Variants in RIPOR3 observed in about 807,000 individuals in gnomAD.
RIPOR3 encodes family with sequence similarity 65 member C.
Under a neutral mutation model 114.3 loss-of-function variants are expected in RIPOR3, and 95 were observed. That is an observed-to-expected ratio of 0.83 (90% CI 0.70 to 0.99). The LOEUF is 0.99. RIPOR3 is among the 50% of genes least tolerant of loss of function. The probability of loss-of-function intolerance (pLI) is 0.00; values close to 1 mark genes in which losing one functional copy is unlikely to be tolerated. For synonymous variants in RIPOR3, 575 were observed against 543.8 expected, an observed-to-expected ratio of 1.06 and a Z score of -0.80; for missense variants, 1,252 against 1,266.9, an observed-to-expected ratio of 0.99 and a Z score of 0.18.
intron 1 of RIPOR3, among the ~76,000 whole-genome samples, chr20:50,675,385 G>A (rs1201396505): frequency 6.6e-6 from 1 of 152,168 alleles, no homozygotes; most frequent in Non-Finnish European, 1.5e-5. Flanking sequence ...CATCATATGT[G>A]TGAATTCACC....
chr20:50,628,319 C>G (rs940923856), intron 2 of RIPOR3, among the ~76,000 whole-genome samples: 1 of 152,112 alleles, frequency 6.6e-6, no homozygotes, highest in Non-Finnish European at 1.5e-5. Context: ...TTCCCAGGCT[C>G]CCCTCCACTG....
chr20:50,687,016 TTTCC>T (rs1161428418), intron 1 of RIPOR3, among the ~76,000 whole-genome samples: 12 of 152,210 alleles, frequency 7.9e-5, no homozygotes, highest in African/African-American at 2.9e-4. Flanking sequence ...TATCTGAACT[TTTCC>T]TATAGGTTTG....
At chr20:50,595,222 G>A in intron 16 of RIPOR3, 147 bp downstream of exon 16, 1 of 1,026,086 alleles carries the variant, frequency 9.7e-7, no homozygotes, top group Non-Finnish European at 1.4e-6. Context: ...CAAAGAGTGT[G>A]TATCTCTGAG....
chr20:50,647,718 G>A (rs1210614317), intron 1 of RIPOR3, among the ~76,000 whole-genome samples: 8 of 151,116 alleles, frequency 5.3e-5, no homozygotes, highest in South Asian at 4.2e-4. Flanking sequence ...TCCTGACCTC[G>A]TGATCCACCC....
intron 1 of RIPOR3, chr20:50,636,780 T>C (rs1318470320): frequency 1.0e-6 from 1 of 985,314 alleles, no homozygotes; most frequent in African/African-American, 1.7e-5. Context: ...TCCCGCTAAG[T>C]CTGTCCGCTC....
intron 2 of RIPOR3, among the ~76,000 whole-genome samples, chr20:50,625,325 G>C (rs2084579206): frequency 6.6e-6 from 1 of 152,214 alleles, no homozygotes; most frequent in African/African-American, 2.4e-5. Context: ...GCCTGCCTTG[G>C]CCTCCCAAAG....
At chr20:50,643,700 T>C (rs2085286798) in intron 1 of RIPOR3, among the ~76,000 whole-genome samples, 1 of 111,310 alleles carries the variant, frequency 9.0e-6, no homozygotes, top group Admixed American at 8.4e-5. Context: ...ATTTCTTTCT[T>C]TCTTTCTTTT....
At chr20:50,604,157 C>A (rs1260554349) in intron 12 of RIPOR3, among the ~76,000 whole-genome samples, 2 of 150,648 alleles carry the variant, frequency 1.3e-5, no homozygotes, top group African/African-American at 4.9e-5. Context: ...TGCACTCCAG[C>A]CTGGGAGACA....
At chr20:50,593,594 T>A (rs1368054058) in intron 17 of RIPOR3, among the ~76,000 whole-genome samples, 1 of 151,178 alleles carries the variant, frequency 6.6e-6, no homozygotes, top group Non-Finnish European at 1.5e-5. Flanking sequence ...GGGTTTCTGA[T>A]GGCACGAGGG....
intron 4 of RIPOR3, among the ~76,000 whole-genome samples, chr20:50,611,413 T>A (rs763288257): frequency 2.6e-5 from 4 of 152,218 alleles, no homozygotes; most frequent in Non-Finnish European, 5.9e-5. Context: ...GCACGTGGGA[T>A]GAGGCAGTTC....
At chr20:50,622,815 T>A (rs547648034) in intron 2 of RIPOR3, among the ~76,000 whole-genome samples, 23 of 152,302 alleles carry the variant, frequency 1.5e-4, no homozygotes, top group African/African-American at 5.1e-4. Context: ...TTTTCACTGG[T>A]AAAATGGGAC....
chr20:50,597,499 A>T (rs2083334157), intron 14 of RIPOR3, 81 bp downstream of exon 14: 2 of 1,525,798 alleles, frequency 1.3e-6, no homozygotes, highest in Non-Finnish European at 1.8e-6. Flanking sequence ...ACAGACGGGG[A>T]GGCTGGCAGG....
chr20:50,628,825 C>G (rs2084716176), intron 2 of RIPOR3, among the ~76,000 whole-genome samples: 1 of 152,144 alleles, frequency 6.6e-6, no homozygotes, highest in African/African-American at 2.4e-5. Flanking sequence ...GATCTTAACC[C>G]TGGGGTCCCG....
chr20:50,597,799 G>GC, intron 13 of RIPOR3, 89 bp from the exon 14 acceptor site: 1 of 1,507,740 alleles, frequency 6.6e-7, no homozygotes, highest in Non-Finnish European at 8.9e-7. Flanking sequence ...GCAGACTTGG[G>GC]CAATGTCCCG....
chr20:50,676,347 C>G (rs2086675517), intron 1 of RIPOR3, among the ~76,000 whole-genome samples: 2 of 152,228 alleles, frequency 1.3e-5, no homozygotes, highest in South Asian at 4.2e-4. Flanking sequence ...TAAGCTGTAG[C>G]TGACTATAAA....
rs559688800 is a variant in RIPOR3, at chr20:50,597,780, G to A, written c.1660-70C>T. ...CCACCCGACTGGGACACTGGCCAGG[G>A]GCCTCACGGCAGACTTGGGCAATGT... On this transcript the variant is annotated intron_variant, in intron 13 of 21. Transcript: ENST00000327979. 496 of 1,557,684 alleles carry A rather than the reference G, an allele frequency of 3.2e-4. 2 individuals carry two copies. Among genetic ancestry groups the A allele is most frequent in the Admixed American group, 2.3e-3 (123 of 54,398 alleles).
Position 50,609,567 on chromosome 20 carries a change from GC to G in RIPOR3, c.576+5del. On this transcript the variant is annotated splice_donor_5th_base_variant and intron_variant, in intron 7 of 21. Coordinates refer to ENST00000327979, the MANE Select transcript of RIPOR3 (RefSeq NM_001290268.2). Reference sequence around the variant, plus strand: ...CTGCTGCCCAGCCCAGCTTGGCCCGGCCCACCTCGGCGCACTCGTGCAGGCT... The same window carrying G: ...CTGCTGCCCAGCCCAGCTTGGCCCGGCCACCTCGGCGCACTCGTGCAGGCT... 7.0e-7 allele frequency: 1 copy of G among 1,423,946 alleles called. No homozygotes were observed. The allele number at this position is 1,423,946 out of a possible 1,614,324, so 88.2% of individuals were successfully genotyped here. A position where few individuals can be genotyped will look rare whatever the true frequency, so the allele number is the denominator to read the frequency against.
chr20:50,609,708 G>C lies in RIPOR3; in HGVS notation c.441C>G (p.Tyr147Ter). ...EFHISKVDEL[Y>*]EDYCIQCRLR... The stretch of plus-strand genomic sequence containing the variant: ...GGCGGCACTGGATGCAGTAGTCCTC[G>C]TACAGCTCATCCACCTGTGGTGGGC... Residue 147 changes from tyrosine to a stop codon, truncating the protein, a stop_gained, in exon 7 of 22, where the codon TAC (tyrosine) becomes TAG (stop). Coordinates refer to ENST00000327979, the MANE Select transcript of RIPOR3 (RefSeq NM_001290268.2). LOFTEE classifies it high-confidence loss of function. 1 of 1,380,164 alleles carries C rather than the reference G, an allele frequency of 7.2e-7. No homozygotes were observed. Among genetic ancestry groups the C allele is most frequent in the Non-Finnish European group, 9.4e-7 (1 of 1,065,134 alleles). 85.5% of individuals were successfully genotyped at this position (1,380,164 alleles called of 1,614,324 possible). A position where few individuals can be genotyped will look rare whatever the true frequency, so the allele number is the denominator to read the frequency against.
At chr20:50,612,843 A>G (rs1274492261) in intron 4 of RIPOR3, among the ~76,000 whole-genome samples, 1 of 152,234 alleles carries the variant, frequency 6.6e-6, no homozygotes, top group Non-Finnish European at 1.5e-5. Context: ...CTGTAATCCT[A>G]GCACTTTGGG....
Sources: gnomAD v4.1 joint callset for allele counts (sites outside exome capture counted in the v4.1 genomes callset) on GRCh38, gnomAD v4.1.1 for gene constraint, MANE v1.5 for transcripts, NCBI Gene and HGNC (gene_info 2026-07-23, HGNC 2026-07-21) for gene names.